The following DNAJB1 variants were observed in gnomAD, a reference collection of about 807,000 sequenced individuals.
DNAJB1 encodes the protein dnaJ homolog subfamily B member 1.
A neutral mutation model predicts 24.0 loss-of-function variants in DNAJB1; 14 were observed. The observed-to-expected ratio is 0.58, with a 90% confidence interval of 0.39 to 0.91. The LOEUF is 0.91. DNAJB1 is among the 40% of genes least tolerant of loss of function. DNAJB1 has a pLI of 0.00. For missense variants in DNAJB1, 517 were observed against 458.1 expected (o/e 1.13, Z -1.17); for synonymous variants, 262 against 174.4 (o/e 1.50, Z -3.96).
intron 2 of DNAJB1, among the ~76,000 whole-genome samples, chr19:14,526,849 C>A (rs543476627): frequency 6.6e-6 from 1 of 152,232 alleles, no homozygotes; most frequent in East Asian, 1.9e-4. Context: ...AGGGTTTCAA[C>A]CCTATCCCCA....
At chr19:14,553,276 G>A (rs1036995827), upstream of DNAJB1, among the ~76,000 whole-genome samples, 2 of 152,136 alleles carry the variant, frequency 1.3e-5, no homozygotes, top group Non-Finnish European at 2.9e-5. Flanking sequence ...CCCTGGCCTC[G>A]GATCCGAGAG....
upstream of DNAJB1, among the ~76,000 whole-genome samples, chr19:14,533,381 C>T (rs2072746524): frequency 1.3e-5 from 2 of 151,922 alleles, no homozygotes; most frequent in Admixed American, 1.3e-4. Context: ...GATCGCACCA[C>T]TGCACTCCAG....
chr19:14,547,588 C>T (rs2073348216), intron 1 of DNAJB1, among the ~76,000 whole-genome samples: 1 of 152,012 alleles, frequency 6.6e-6, no homozygotes, highest in African/African-American at 2.4e-5. Flanking sequence ...TCTCAAACTC[C>T]TGACCTCAGG....
chr19:14,525,740 C>T (rs1599387256), intron 2 of DNAJB1, among the ~76,000 whole-genome samples: 3 of 151,570 alleles, frequency 2.0e-5, no homozygotes, highest in Admixed American at 1.3e-4. Context: ...GTTGCATGAC[C>T]GTATGTGTTC....
At chr19:14,546,090 G>A (rs537449890) in intron 1 of DNAJB1, among the ~76,000 whole-genome samples, 2 of 152,280 alleles carry the variant, frequency 1.3e-5, no homozygotes, top group East Asian at 3.9e-4. Context: ...AGTGATCCAT[G>A]CTAGCTCGTC....
rs756381480 is a variant in DNAJB1 at position 14,515,966 on chromosome 19, C to G, written c.997G>C (p.Val333Leu). 6 of 1,609,594 alleles carry G rather than the reference C, an allele frequency of 3.7e-6. No homozygotes were observed. The highest frequency in any genetic ancestry group is 5.1e-6 in the Non-Finnish European group (6 of 1,178,946). The part of the protein sequence containing the change: ...PERIPQTSRT[V>L]LEQVLPI ...TATATTGGAAGAACCTGCTCAAGTA[C>G]GGTTCTTGATGTCTGGGGAATCCTT... Residue 333 changes from valine to leucine, a missense_variant, in exon 3 of 3, where the codon GTA becomes CTA. Physicochemically the swap from Val to Leu is conservative, Grantham distance 32 (BLOSUM62 1). Transcript: ENST00000254322.
In DNAJB1 at chr19:14,543,298, G is replaced by T. The variant is rs562220888; in HGVS notation, c.-214+6910C>A. The stretch of plus-strand genomic sequence containing the variant: ...GTTGGAGGATTGCAGAGGGTGGGGT[G>T]GGGGTGTGTGTGTGTGCAGATACTG... On this transcript the variant is annotated intron_variant, in intron 1 of 3. Transcript: ENST00000676982. Among the ~76,000 whole-genome samples, 22 of 121,960 alleles carry T rather than the reference G, an allele frequency of 1.8e-4. 1 individual carries two copies. The South Asian group carries it at 5.1e-3, about 28-fold the overall frequency. 80.0% of individuals were successfully genotyped at this position (121,960 alleles called of 152,430 possible). A position where few individuals can be genotyped will look rare whatever the true frequency, so the allele number is the denominator to read the frequency against.
At chr19:14,517,904 G>A (rs1430801475) in intron 1 of DNAJB1, 2 of 405,748 alleles carry the variant, frequency 4.9e-6, no homozygotes, top group African/African-American at 2.1e-5. Flanking sequence ...GAGGCGCCCG[G>A]GGAGGGGCAG....
rs1490195444 is a variant in DNAJB1 at position 14,518,226 on chromosome 19, C to T, written c.124G>A (p.Glu42Lys). The T allele has an allele frequency of 6.2e-7, 1 of 1,609,870 alleles. No homozygotes were observed. The highest frequency in any genetic ancestry group is 8.5e-7 in the Non-Finnish European group (1 of 1,178,462). The change falls in exon 1 of 3, where the codon GAG becomes AAG. Residue 42 changes from glutamate (E) to lysine (K), a missense_variant. Glu to Lys is a moderately conservative substitution (Grantham distance 56). Coordinates refer to ENST00000254322, the MANE Select transcript of DNAJB1 (RefSeq NM_006145.3). ...HPDKNKEPGA[E>K]EKFKEIAEAY... ...TCAGCGATCTCCTTGAACTTCTCCT[C>T]GGCGCCGGGCTCCTTGTTCTTGTCC...
chr19:14,516,594 T>G lies in DNAJB1; in HGVS notation c.664A>C (p.Lys222Gln). Residue 222 changes from lysine to glutamine, a missense_variant, in exon 2 of 3, where the codon AAG (lysine) becomes CAG (glutamine). Physicochemically the swap from Lys to Gln is moderately conservative, Grantham distance 53. Transcript: ENST00000254322. ...WKEGTKITFP[K>Q]EGDQTSNNIP... is the part of the protein sequence containing the mutation. ...TTGTTGGAGGTCTGGTCTCCTTCCT[T>G]GGGGAAAGTGATTTTGGTTCCTTCT... 1 of 1,614,210 alleles carries G rather than the reference T, an allele frequency of 6.2e-7. No individual in the cohort carries two copies.
chr19:14,529,703 C>G (rs746471139), upstream of DNAJB1: 1 of 1,614,128 alleles, frequency 6.2e-7, no homozygotes. Flanking sequence ...AGCCATGAAG[C>G]ATTACGAGGT....
chr19:14,527,297 T>A (rs571183802), intron 2 of DNAJB1: 12 of 145,906 alleles, frequency 8.2e-5, no homozygotes, highest in African/African-American at 3.0e-4. Context: ...TTCTTCTGCC[T>A]CAGCTACTTG....
chr19:14,518,588 C>T (rs1356389694), upstream of DNAJB1, among the ~76,000 whole-genome samples: 2 of 152,068 alleles, frequency 1.3e-5, no homozygotes, highest in Non-Finnish European at 2.9e-5. Flanking sequence ...ACGCCCCCTC[C>T]CGCTCCGCCC....
At chr19:14,526,520 C>T (rs893768552) in intron 2 of DNAJB1, among the ~76,000 whole-genome samples, 5 of 152,184 alleles carry the variant, frequency 3.3e-5, no homozygotes, top group African/African-American at 4.8e-5. Flanking sequence ...TCTTGCCTTT[C>T]TGCCAGCTTC....
In DNAJB1 at chr19:14,537,067, T is replaced by C. The variant is rs529379617; in HGVS notation, c.-213-9257A>G. Among the ~76,000 whole-genome samples, 4 of 130,802 alleles carry C rather than the reference T, an allele frequency of 3.1e-5. No individual in the cohort carries two copies. In the East Asian group the frequency reaches 7.0e-4, roughly 23 times the overall value. 85.8% of individuals were successfully genotyped at this position (130,802 alleles called of 152,430 possible). A position where few individuals can be genotyped will look rare whatever the true frequency, so the allele number is the denominator to read the frequency against. On this transcript the variant is annotated intron_variant, in intron 1 of 3. Transcript: ENST00000676982. Reference sequence around the variant, plus strand: ...GTCCCAAGGAGTAGGAGGCAGAGTTTAGCAGGAAAAGGCATGTCCTGAGGA... The same window carrying C: ...GTCCCAAGGAGTAGGAGGCAGAGTTCAGCAGGAAAAGGCATGTCCTGAGGA...
upstream of DNAJB1, among the ~76,000 whole-genome samples, chr19:14,551,337 A>C (rs558851358): frequency 1.3e-5 from 2 of 152,238 alleles, no homozygotes; most frequent in East Asian, 3.9e-4. Flanking sequence ...GGCCTCCCAG[A>C]GTACTGGGAT....
Position 14,518,170 on chromosome 19 carries a change from CTT to C in DNAJB1, c.178_179del (p.Lys60AlafsTer21). On this transcript the variant is annotated frameshift_variant, in exon 1 of 3. Transcript: ENST00000254322. LOFTEE classifies it high-confidence loss of function. ...EAYDVLSDPR[K>X]REIFDRYGEE... is the part of the protein sequence containing the mutation. ...CCCCGTAGCGGTCGAAGATCTCGCG[CTT>C]GCGCGGGTCGCTGAGCACGTCGTAG... The C allele has an allele frequency of 6.3e-7, 1 of 1,587,944 alleles. No homozygotes were observed. The highest frequency in any genetic ancestry group is 8.6e-7 in the Non-Finnish European group (1 of 1,168,176).
intron 1 of DNAJB1, among the ~76,000 whole-genome samples, chr19:14,548,782 C>G (rs2073389046): frequency 6.6e-6 from 1 of 151,980 alleles, no homozygotes; most frequent in South Asian, 2.1e-4. Context: ...ACCATGTTGG[C>G]CAGGCTGGTC....
At chr19:14,522,707 C>CACACAA (rs2072376377), upstream of DNAJB1, among the ~76,000 whole-genome samples, 1 of 151,452 alleles carries the variant, frequency 6.6e-6, no homozygotes, top group Non-Finnish European at 1.5e-5. Context: ...CACACACACA[C>CACACAA]ACACACACAC....
Sources: gnomAD v4.1 joint callset for allele counts (sites outside exome capture counted in the v4.1 genomes callset) on GRCh38, gnomAD v4.1.1 for gene constraint, MANE v1.5 for transcripts, NCBI Gene and HGNC (gene_info 2026-07-23, HGNC 2026-07-21) for gene names.